Variants in KCNN2 observed in about 807,000 individuals in gnomAD.
KCNN2 encodes the protein potassium calcium-activated channel subfamily N member 2.
A neutral mutation model predicts 55.5 loss-of-function variants in KCNN2; 24 were observed. The observed-to-expected ratio is 0.43, with a 90% CI of 0.31 to 0.61. The LOEUF (loss-of-function observed/expected upper bound fraction) is 0.61. KCNN2 is among the 20% of genes least tolerant of loss of function. KCNN2 has a pLI of 0.08. For missense variants in KCNN2, 754 were observed against 853.6 expected, an observed-to-expected ratio of 0.88 and a Z score of 1.45; for synonymous variants, 431 against 336.1, an observed-to-expected ratio of 1.28 and a Z score of -3.09.
intron 1 of KCNN2, among the ~76,000 whole-genome samples, chr5:114,146,581 G>A (rs576190523): frequency 1.6e-3 from 245 of 152,234 alleles, no homozygotes; most frequent in African/African-American, 5.7e-3. Flanking sequence ...ATGCACGTAA[G>A]CTAATTTTCC....
intron 3 of KCNN2, among the ~76,000 whole-genome samples, chr5:114,427,224 AC>A (rs1471713528): frequency 6.6e-6 from 1 of 152,160 alleles, no homozygotes; most frequent in Non-Finnish European, 1.5e-5. Context: ...TTTTCTACTC[AC>A]CTGGTACTTT....
intron 1 of KCNN2, among the ~76,000 whole-genome samples, chr5:114,177,732 T>C (rs1753165024): frequency 1.3e-5 from 2 of 152,066 alleles, no homozygotes; most frequent in Admixed American, 1.3e-4. Context: ...TAGAATAACT[T>C]TGAAAGTTAA....
At chr5:114,074,361 T>C (rs1016676234) in intron 1 of KCNN2, among the ~76,000 whole-genome samples, 1 of 151,150 alleles carries the variant, frequency 6.6e-6, no homozygotes, top group Non-Finnish European at 1.5e-5. Flanking sequence ...AGAGGGAAGA[T>C]CTTTAAGGTA....
At chr5:114,396,611 C>T (rs1287253669) in intron 2 of KCNN2, among the ~76,000 whole-genome samples, 17 of 150,690 alleles carry the variant, frequency 1.1e-4, no homozygotes, top group African/African-American at 2.2e-4. Context: ...TGCACTGGCG[C>T]GATCTCGACT....
chr5:114,421,511 G>A (rs1313690642), intron 3 of KCNN2, among the ~76,000 whole-genome samples: 1 of 151,562 alleles, frequency 6.6e-6, no homozygotes, highest in African/African-American at 2.4e-5. Flanking sequence ...CGCTGGTCTC[G>A]AACTCCTGAC....
In KCNN2 at chr5:114,346,952, A is replaced by G. The variant is rs542480126; in HGVS notation, c.-184-13993A>G. Among the ~76,000 whole-genome samples the G allele has an allele frequency of 2.0e-5, 3 of 152,326 alleles. No individual in the cohort carries two copies. In the East Asian group the frequency reaches 5.8e-4, roughly 29 times the overall value. ...CAACCTGAAGGAGCTTTTAATGGCC[A>G]AGGCTGGAATCATTTGAGAACAAAA... is the stretch of plus-strand genomic sequence containing the variant. On this transcript the variant is annotated intron_variant, in intron 2 of 10. Transcript: ENST00000512097.
intron 2 of KCNN2, among the ~76,000 whole-genome samples, chr5:114,386,867 T>A (rs1484772599): frequency 6.6e-6 from 1 of 152,232 alleles, no homozygotes; most frequent in African/African-American, 2.4e-5. Flanking sequence ...GTGATTCTTC[T>A]TTTTGATGGA....
chr5:114,218,128 G>A (rs1421580653), intron 1 of KCNN2, among the ~76,000 whole-genome samples: 1 of 152,224 alleles, frequency 6.6e-6, no homozygotes, highest in Non-Finnish European at 1.5e-5. Flanking sequence ...AACATTCATT[G>A]CTAGTGGGAA....
At chr5:114,160,353 A>G (rs555160686) in intron 1 of KCNN2, among the ~76,000 whole-genome samples, 2 of 152,292 alleles carry the variant, frequency 1.3e-5, no homozygotes, top group East Asian at 3.9e-4. Flanking sequence ...GTTTGATTGC[A>G]CTGTGGTCTG....
intron 3 of KCNN2, among the ~76,000 whole-genome samples, chr5:114,411,002 A>C (rs919916548): frequency 6.6e-6 from 1 of 152,212 alleles, no homozygotes; most frequent in Non-Finnish European, 1.5e-5. Context: ...TCTAAACTGC[A>C]TTTTAGATGA....
intron 5 of KCNN2, among the ~76,000 whole-genome samples, chr5:114,478,146 G>A (rs1282252512): frequency 6.6e-6 from 1 of 152,170 alleles, no homozygotes; most frequent in Non-Finnish European, 1.5e-5. Context: ...AAGGGTGGTT[G>A]AGAGCATATG....
At chr5:114,201,931 T>C (rs986520935) in intron 1 of KCNN2, among the ~76,000 whole-genome samples, 1 of 145,298 alleles carries the variant, frequency 6.9e-6, no homozygotes, top group Admixed American at 6.9e-5. Context: ...AATTTTGCCT[T>C]GGGTATGTTA....
intron 2 of KCNN2, among the ~76,000 whole-genome samples, chr5:114,239,473 C>G (rs1232931224): frequency 6.6e-6 from 1 of 152,082 alleles, no homozygotes; most frequent in Non-Finnish European, 1.5e-5. Flanking sequence ...TATTTTATTT[C>G]CTGACCTTGT....
chr5:114,159,905 T>C (rs1281742391), intron 1 of KCNN2, among the ~76,000 whole-genome samples: 1 of 152,208 alleles, frequency 6.6e-6, no homozygotes, highest in Non-Finnish European at 1.5e-5. Context: ...TTCTTCTTTA[T>C]TAGTCTTGCT....
At chr5:114,138,640 C>T (rs1752216768) in intron 1 of KCNN2, among the ~76,000 whole-genome samples, 1 of 152,120 alleles carries the variant, frequency 6.6e-6, no homozygotes, top group Non-Finnish European at 1.5e-5. Context: ...TTCATCTAAG[C>T]CACCTCCCTT....
chr5:114,394,143 C>A (rs972661892), intron 2 of KCNN2, among the ~76,000 whole-genome samples: 6 of 152,130 alleles, frequency 3.9e-5, no homozygotes, highest in African/African-American at 1.4e-4. Context: ...AGTACTGTTT[C>A]CTCATACATT....
intron 1 of KCNN2, among the ~76,000 whole-genome samples, chr5:114,059,236 G>A: frequency 6.6e-6 from 1 of 152,174 alleles, no homozygotes; most frequent in East Asian, 1.9e-4. Flanking sequence ...TAACTGCAAG[G>A]ATAGTGGTGC....
chr5:114,493,366 G>T lies in KCNN2; in HGVS notation c.2019-37G>T, dbSNP rs770573485. On this transcript the variant is annotated intron_variant, in intron 6 of 7. Coordinates refer to ENST00000673685, the MANE Select transcript of KCNN2 (RefSeq NM_021614.4). The stretch of plus-strand genomic sequence containing the variant: ...GGAAGGCATAAGATTGCCATAGGAA[G>T]AAGGGAACCTTTCTGATACCAGATT... 2.3e-6 allele frequency: 3 copies of T among 1,303,468 alleles called. No individual in the cohort carries two copies. In the Admixed American group the frequency reaches 5.0e-5, roughly 22 times the overall value. The allele number at this position is 1,303,468 out of a possible 1,614,324, so 80.7% of individuals were successfully genotyped here. A position where few individuals can be genotyped will look rare whatever the true frequency, so the allele number is the denominator to read the frequency against.
chr5:114,130,459 G>T (rs547578156), intron 1 of KCNN2, among the ~76,000 whole-genome samples: 4 of 152,260 alleles, frequency 2.6e-5, no homozygotes, highest in Admixed American at 1.3e-4. Context: ...ACTTCAATAG[G>T]ATCCAGATTT....
Sources: gnomAD v4.1 joint callset for allele counts (sites outside exome capture counted in the v4.1 genomes callset) on GRCh38, gnomAD v4.1.1 for gene constraint, MANE v1.5 for transcripts, NCBI Gene and HGNC (gene_info 2026-07-23, HGNC 2026-07-21) for gene names.